CACNA1E: variants seen among roughly 807,000 people sequenced by gnomAD.
CACNA1E encodes calcium voltage-gated channel subunit alpha1 E.
In CACNA1E, 40 loss-of-function variants were observed where a neutral mutation model predicts 259.2. The ratio of observed to expected loss-of-function variants is 0.15; its 90% CI spans 0.12 to 0.20. CACNA1E has a LOEUF of 0.20. CACNA1E is among the 10% of genes least tolerant of loss of function. The pLI, the probability that CACNA1E is intolerant of heterozygous loss-of-function variation, is 1.00. For synonymous variants in CACNA1E, 1,104 were observed against 1,138.5 expected (o/e 0.97, Z 0.61); for missense variants, 1,874 against 3,040.1 (o/e 0.62, Z 9.02).
At chr1:181,727,238 A>G (rs1480811164) in intron 18 of CACNA1E, among the ~76,000 whole-genome samples, 1 of 152,214 alleles carries the variant, frequency 6.6e-6, no homozygotes, top group African/African-American at 2.4e-5. Context: ...AGAGGCTGAC[A>G]GCGCTCCTCC....
intron 6 of CACNA1E, among the ~76,000 whole-genome samples, chr1:181,591,309 G>C (rs1032876785): frequency 6.6e-6 from 1 of 152,164 alleles, no homozygotes; most frequent in African/African-American, 2.4e-5. Context: ...TTCTGTGTTA[G>C]TCTTTTTAAA....
chr1:181,525,722 G>A (rs593080), intron 3 of CACNA1E, among the ~76,000 whole-genome samples: 86,783 of 152,102 alleles, frequency 0.57, 25,700 homozygotes, highest in African/African-American at 0.72. Context: ...TGAACTGTGT[G>A]CAACTACAAC....
At chr1:181,637,354 A>C (rs72733137) in intron 6 of CACNA1E, among the ~76,000 whole-genome samples, 26,517 of 151,634 alleles carry the variant, frequency 0.17, 2,410 homozygotes, top group South Asian at 0.28. Context: ...GGGAAAAAAA[A>C]CACAAAACCC....
At chr1:181,588,504 T>C (rs1652313811) in intron 6 of CACNA1E, among the ~76,000 whole-genome samples, 1 of 152,166 alleles carries the variant, frequency 6.6e-6, no homozygotes, top group Admixed American at 6.5e-5. Flanking sequence ...TCCATAGCAG[T>C]CTCCACCCTG....
intron 1 of CACNA1E, among the ~76,000 whole-genome samples, chr1:181,382,062 G>A (rs1655494358): frequency 6.6e-6 from 1 of 152,206 alleles, no homozygotes; most frequent in Non-Finnish European, 1.5e-5. Context: ...CCTGGGGACA[G>A]CCCCTAGGCT....
chr1:181,508,128 G>A (rs1665864455), intron 1 of CACNA1E, among the ~76,000 whole-genome samples: 1 of 147,914 alleles, frequency 6.8e-6, no homozygotes, highest in Non-Finnish European at 1.5e-5. Flanking sequence ...GGGAAATGTT[G>A]TGTGCTGTCC....
intron 6 of CACNA1E, among the ~76,000 whole-genome samples, chr1:181,604,490 G>T (rs1654047525): frequency 6.6e-6 from 1 of 152,198 alleles, no homozygotes; most frequent in Non-Finnish European, 1.5e-5. Context: ...GGAGGAGAAG[G>T]AGCAGTTGGG....
intron 25 of CACNA1E, among the ~76,000 whole-genome samples, chr1:181,748,143 T>C (rs1470788674): frequency 1.3e-5 from 2 of 152,226 alleles, no homozygotes. Flanking sequence ...TTTTTTATTT[T>C]ACTTTTGGCC....
At chr1:181,576,396 T>C (rs1308590736) in intron 3 of CACNA1E, among the ~76,000 whole-genome samples, 4 of 152,244 alleles carry the variant, frequency 2.6e-5, no homozygotes, top group Non-Finnish European at 5.9e-5. Flanking sequence ...GCACTAATTG[T>C]GTCAGTTACC....
chr1:181,658,892 T>A (rs1411970871), intron 7 of CACNA1E, among the ~76,000 whole-genome samples: 1 of 152,084 alleles, frequency 6.6e-6, no homozygotes, highest in Non-Finnish European at 1.5e-5. Context: ...TTTATTGGTG[T>A]CTGCAGGGGG....
At chr1:181,791,667 T>C (rs1010800082) in intron 44 of CACNA1E, among the ~76,000 whole-genome samples, 4 of 152,134 alleles carry the variant, frequency 2.6e-5, no homozygotes, top group Admixed American at 1.3e-4. Context: ...AGCTTAGAAT[T>C]GAAGCCCAAG....
At position 181,403,196 on chromosome 1, in the gene CACNA1E, C is replaced by T. The variant is rs573532987; in HGVS notation, c.-14-9937C>T. ...TTCCTCATTTGTAAAATTGAGTTCA[C>T]AGTAATAGTTATTTCATAAGATTTT... On this transcript the variant is annotated intron_variant, in intron 1 of 11. Coordinates refer to the CACNA1E transcript ENST00000524607. Among the ~76,000 whole-genome samples the T allele has an allele frequency of 1.4e-3, 213 of 151,508 alleles. 1 individual carries two copies. The highest frequency in any genetic ancestry group is 4.2e-3 in the Admixed American group (63 of 15,156).
chr1:181,686,229 C>T (rs1650519163), intron 7 of CACNA1E, among the ~76,000 whole-genome samples: 1 of 149,276 alleles, frequency 6.7e-6, no homozygotes, highest in Admixed American at 6.7e-5. Flanking sequence ...TGTCATCATT[C>T]CTCATTAGAT....
intron 1 of CACNA1E, among the ~76,000 whole-genome samples, chr1:181,347,376 T>C (rs1195835737): frequency 6.6e-6 from 1 of 152,222 alleles, no homozygotes; most frequent in Non-Finnish European, 1.5e-5. Context: ...TGCATATTCT[T>C]CCTTCCCTGT....
chr1:181,784,777 C>T lies in CACNA1E; in HGVS notation c.5578+9C>T. 2.0e-6 allele frequency: 3 copies of T among 1,509,968 alleles called. No homozygotes were observed. The highest frequency in any genetic ancestry group is 2.7e-6 in the Non-Finnish European group (3 of 1,105,968). 93.5% of individuals were successfully genotyped at this position (1,509,968 alleles called of 1,614,324 possible). On this transcript the variant is annotated intron_variant, in intron 41 of 47. Coordinates refer to ENST00000367573, the MANE Select transcript of CACNA1E (RefSeq NM_001205293.3). ...TGTGCCCATGCCCAAAGGTTTGGGT[C>T]TTCTCCTGGGTATCCTTGTCACTGT... is the stretch of plus-strand genomic sequence containing the variant.
chr1:181,663,548 C>A (rs1370545054), intron 7 of CACNA1E, among the ~76,000 whole-genome samples: 2 of 152,208 alleles, frequency 1.3e-5, no homozygotes, highest in African/African-American at 4.8e-5. Context: ...TGAAGGGAAA[C>A]CGAGTAACAT....
intron 1 of CACNA1E, among the ~76,000 whole-genome samples, chr1:181,331,197 G>C (rs1482698042): frequency 1.3e-5 from 2 of 152,136 alleles, no homozygotes; most frequent in Non-Finnish European, 2.9e-5. Context: ...GGGTTCCCCA[G>C]AGAGAGAATC....
At chr1:181,639,092 C>CT (rs869207328) in intron 6 of CACNA1E, among the ~76,000 whole-genome samples, 2,923 of 144,830 alleles carry the variant, frequency 0.02, 91 homozygotes, top group African/African-American at 0.066. Context: ...GAGTAGATGC[C>CT]TTTTTTTTTT....
chr1:181,776,389 CA>C lies in CACNA1E; in HGVS notation c.5267+162del. 1 of 678,710 alleles carries C rather than the reference CA, an allele frequency of 1.5e-6. No homozygotes were observed. The highest frequency in any genetic ancestry group is 2.5e-6 in the Non-Finnish European group (1 of 396,242). 42.0% of individuals were successfully genotyped at this position (678,710 alleles called of 1,614,324 possible). A position where few individuals can be genotyped will look rare whatever the true frequency, so the allele number is the denominator to read the frequency against. On this transcript the variant is annotated intron_variant, in intron 38 of 47. Coordinates refer to ENST00000367573, the MANE Select transcript of CACNA1E (RefSeq NM_001205293.3). This position sits in a 1 kb window ranked among gnomAD's most constrained non-coding sequence, Gnocchi z 4.4. ...CATAGAAGAGGCTCTGGTATCAAGC[CA>C]GTCACCAAGGACTTCTGTATCCTCC...
Sources: gnomAD v4.1 joint callset for allele counts (sites outside exome capture counted in the v4.1 genomes callset) on GRCh38, gnomAD v4.1.1 for gene constraint, Gnocchi (gnomAD v3.1) non-coding constraint, MANE v1.5 for transcripts, NCBI Gene and HGNC (gene_info 2026-07-23, HGNC 2026-07-21) for gene names.